Variants in CNTN5 observed in about 807,000 individuals in gnomAD.
CNTN5 encodes the protein contactin-5.
CNTN5 carries 77 observed loss-of-function variants against 129.1 expected under a neutral mutation model. The ratio of observed to expected loss-of-function variants is 0.60; its 90% confidence interval spans 0.50 to 0.72. The LOEUF (loss-of-function observed/expected upper bound fraction) is 0.72. Ranked by LOEUF, CNTN5 falls within the 30% of genes least tolerant of loss-of-function variation. CNTN5 has a pLI of 0.00. For synonymous variants in CNTN5, 509 were observed against 465.6 expected, an observed-to-expected ratio of 1.09 and a Z score of -1.20; for missense variants, 1,478 against 1,328.8, an observed-to-expected ratio of 1.11 and a Z score of -1.75.
chr11:99,719,085 G>C (rs562461648), intron 3 of CNTN5, among the ~76,000 whole-genome samples: 2 of 152,156 alleles, frequency 1.3e-5, no homozygotes, highest in Admixed American at 1.3e-4. Context: ...TTGGGAGGCC[G>C]AAGCAGGTGG....
At chr11:99,498,972 T>C (rs903106187) in intron 2 of CNTN5, among the ~76,000 whole-genome samples, 2 of 152,160 alleles carry the variant, frequency 1.3e-5, no homozygotes, top group African/African-American at 2.4e-5. Flanking sequence ...GATGTCATGA[T>C]AAAGGCAGCT....
intron 13 of CNTN5, among the ~76,000 whole-genome samples, chr11:100,166,923 T>C (rs1947656386): frequency 6.6e-6 from 1 of 151,818 alleles, no homozygotes; most frequent in Non-Finnish European, 1.5e-5. Context: ...AATTTCCTCA[T>C]TTTATAGGTG....
At chr11:99,524,150 C>G (rs1290933337) in intron 2 of CNTN5, among the ~76,000 whole-genome samples, 5 of 152,012 alleles carry the variant, frequency 3.3e-5, no homozygotes, top group African/African-American at 1.2e-4. Context: ...CTCAACATGC[C>G]ATAGCAACAG....
chr11:99,555,030 A>G (rs1948619806), intron 2 of CNTN5, among the ~76,000 whole-genome samples: 2 of 152,080 alleles, frequency 1.3e-5, no homozygotes, highest in South Asian at 2.1e-4. Context: ...TAAAGTTAAA[A>G]TAGACTACCA....
At chr11:99,872,454 A>G (rs1948527434) in intron 6 of CNTN5, among the ~76,000 whole-genome samples, 1 of 152,180 alleles carries the variant, frequency 6.6e-6, no homozygotes, top group Non-Finnish European at 1.5e-5. Context: ...TTAAACACCT[A>G]TGTGGAAGGA....
chr11:100,193,554 A>G lies in CNTN5; in HGVS notation c.1775A>G (p.Asn592Ser). 6.2e-7 allele frequency: 1 copy of G among 1,611,380 alleles called. No individual in the cohort carries two copies. Among genetic ancestry groups the G allele is most frequent in the Non-Finnish European group, 8.5e-7 (1 of 1,178,334 alleles). ...ACAGTGGGAGAAAGCATTGTCCTTA[A>G]TTGCAAAGCAATTCACGATGCTAGT... Reference protein sequence around the residue: ...ELTVGESIVLNCKAIHDASLD... With the variant: ...ELTVGESIVLSCKAIHDASLD... The change falls in exon 15 of 25, where the codon AAT becomes AGT. Residue 592 changes from asparagine to serine, a missense_variant. By Grantham distance (46) the Asn-to-Ser change is conservative (BLOSUM62 1). Transcript: ENST00000524871.
At chr11:99,660,942 A>C (rs894625139) in intron 3 of CNTN5, among the ~76,000 whole-genome samples, 1 of 152,020 alleles carries the variant, frequency 6.6e-6, no homozygotes, top group Non-Finnish European at 1.5e-5. Flanking sequence ...GGAGGGTTGA[A>C]AATCACTTTA....
intron 2 of CNTN5, among the ~76,000 whole-genome samples, chr11:99,520,652 G>C (rs1947242770): frequency 6.6e-6 from 1 of 152,106 alleles, no homozygotes; most frequent in Admixed American, 6.6e-5. Flanking sequence ...ATAAAGAATT[G>C]TCATGGGGTA....
At chr11:99,071,639 A>T (rs1375892487) in intron 1 of CNTN5, among the ~76,000 whole-genome samples, 1 of 152,150 alleles carries the variant, frequency 6.6e-6, no homozygotes, top group Non-Finnish European at 1.5e-5. Context: ...CATGTACTTC[A>T]TATATATTTG....
At chr11:99,349,567 A>G (rs752980111) in intron 2 of CNTN5, among the ~76,000 whole-genome samples, 1 of 152,186 alleles carries the variant, frequency 6.6e-6, no homozygotes, top group South Asian at 2.1e-4. Flanking sequence ...TTTATTTATT[A>G]TAAATACACC....
intron 3 of CNTN5, among the ~76,000 whole-genome samples, chr11:99,799,652 T>G (rs1270362223): frequency 6.6e-6 from 1 of 152,102 alleles, no homozygotes; most frequent in Non-Finnish European, 1.5e-5. Flanking sequence ...TTGCTAGTGT[T>G]TTGTTGAGGA....
intron 3 of CNTN5, among the ~76,000 whole-genome samples, chr11:99,619,376 T>C (rs1175086247): frequency 6.6e-6 from 1 of 152,138 alleles, no homozygotes; most frequent in Non-Finnish European, 1.5e-5. Context: ...TATATATTTC[T>C]GTCTGGTTTT....
chr11:99,725,566 TCTC>T lies in CNTN5; in HGVS notation c.56-93977_56-93975del, dbSNP rs1475880497. 3.1e-4 allele frequency among the ~76,000 whole-genome samples: 47 copies of T among 152,180 alleles called. 1 individual carries two copies. The highest frequency in any genetic ancestry group is 3.1e-3 in the Admixed American group (47 of 15,282). Reference sequence around the variant, plus strand: ...TTGCCTTGCCTTTGTAACGTTTTCTTCTCTTAATTCCTTGGAAGAATGAAGAAA... The same window carrying T: ...TTGCCTTGCCTTTGTAACGTTTTCTTTTAATTCCTTGGAAGAATGAAGAAA... On this transcript the variant is annotated intron_variant, in intron 3 of 24. Transcript: ENST00000524871.
intron 7 of CNTN5, among the ~76,000 whole-genome samples, chr11:99,925,057 T>C (rs908043233): frequency 3.3e-5 from 5 of 152,130 alleles, no homozygotes; most frequent in Admixed American, 6.5e-5. Context: ...TACACCTGAC[T>C]CCCATAAAGT....
Position 99,957,956 on chromosome 11 carries a change from G to A in CNTN5, c.877+947G>A, listed in dbSNP as rs1306533966. On this transcript the variant is annotated intron_variant, in intron 8 of 24. Transcript: ENST00000524871. ...AAGTCTATGAAACTTCATAAACTGT[G>A]AAGTATGTATTATATATACATATAT... Among the ~76,000 whole-genome samples, 3 of 151,456 alleles carry A rather than the reference G, an allele frequency of 2.0e-5. No individual in the cohort carries two copies. The South Asian group carries it at 6.2e-4, about 32-fold the overall frequency.
intron 2 of CNTN5, among the ~76,000 whole-genome samples, chr11:99,351,420 G>A (rs1591557941): frequency 6.6e-6 from 1 of 152,166 alleles, no homozygotes; most frequent in Admixed American, 6.5e-5. Context: ...TTAAATTCAG[G>A]CTTGCCTAAC....
intron 2 of CNTN5, among the ~76,000 whole-genome samples, chr11:99,327,320 G>A (rs1273309920): frequency 6.6e-6 from 1 of 152,128 alleles, no homozygotes; most frequent in Non-Finnish European, 1.5e-5. Context: ...TAGAGTAAAT[G>A]TCTTGGACAC....
chr11:99,826,151 C>A (rs1189190978), intron 4 of CNTN5, among the ~76,000 whole-genome samples: 11 of 151,178 alleles, frequency 7.3e-5, no homozygotes, highest in Admixed American at 2.6e-4. Context: ...TTGACTTTGG[C>A]TTTTTTTTGC....
chr11:100,158,848 GT>G lies in CNTN5; in HGVS notation c.1581-32276del, dbSNP rs1055114659. Among the ~76,000 whole-genome samples the G allele has an allele frequency of 8.9e-4, 135 of 151,878 alleles. 1 individual carries two copies. The highest frequency in any genetic ancestry group is 2.9e-3 in the African/African-American group (121 of 41,486). ...TTTTATGCAAATATACCACTAATCTGTTGTACATGTGCATACAACAATGTTC... is the reference window on the plus strand; with the variant it reads ...TTTTATGCAAATATACCACTAATCTGTGTACATGTGCATACAACAATGTTC... On this transcript the variant is annotated intron_variant, in intron 13 of 24. Coordinates refer to ENST00000524871, the MANE Select transcript of CNTN5 (RefSeq NM_014361.4).
Sources: allele counts gnomAD v4.1 joint callset (sites outside exome capture counted in the v4.1 genomes callset), GRCh38; gene constraint gnomAD v4.1.1; transcripts MANE v1.5; gene names NCBI Gene and HGNC (gene_info 2026-07-23, HGNC 2026-07-21).